The following RAB9B variants were observed in gnomAD, a reference collection of about 807,000 sequenced individuals.
The protein encoded by RAB9B is ras-related protein Rab-9B.
A neutral mutation model predicts 8.9 loss-of-function variants in RAB9B; 1 was observed. That is an observed-to-expected ratio of 0.11 (90% CI 0.04 to 0.53). The LOEUF (loss-of-function observed/expected upper bound fraction) is 0.53, where lower values mean the gene tolerates loss of function less well. Among genes scored for constraint, RAB9B ranks in the 20% least tolerant of loss-of-function variants. RAB9B has a pLI of 0.93. For missense variants in RAB9B, 82 were observed against 152.9 expected (o/e 0.54, Z 2.45); for synonymous variants, 63 against 57.0 (o/e 1.10, Z -0.47).
chrX:103,791,938 G>T, the RAB9B span: 8 of 111,828 alleles, frequency 7.2e-5, no homozygotes, highest in Non-Finnish European at 1.3e-4. Context: ...TGTTATCTTG[G>T]TGTGTTAAGA....
At chrX:103,795,851 G>C in the RAB9B span, among the ~76,000 whole-genome samples, 1 of 111,884 alleles carries the variant, frequency 8.9e-6, no homozygotes, top group Non-Finnish European at 1.9e-5. Context: ...TTACTGCTAG[G>C]AAGAAAGTAT....
downstream of RAB9B, among the ~76,000 whole-genome samples, chrX:103,819,932 C>G (rs182206985): frequency 8.9e-6 from 1 of 112,291 alleles, no homozygotes; most frequent in African/African-American, 3.2e-5. Context: ...TCCTAACCCC[C>G]CAAGGTTATG....
the RAB9B span, among the ~76,000 whole-genome samples, chrX:103,802,252 C>CAGAGAG: frequency 1.1e-5 from 1 of 94,396 alleles, no homozygotes; most frequent in East Asian, 3.4e-4. Context: ...GGGAGAGAGA[C>CAGAGAG]AGAGAGAGAG....
At chrX:103,786,319 T>C in the RAB9B span, 2 of 1,060,971 alleles carry the variant, frequency 1.9e-6, no homozygotes, top group South Asian at 3.8e-5. Flanking sequence ...GGTGAAAGCA[T>C]GCAGGAGGAA....
At chrX:103,797,266 A>T in the RAB9B span, among the ~76,000 whole-genome samples, 9 of 109,253 alleles carry the variant, frequency 8.2e-5, no homozygotes, top group African/African-American at 1.7e-4. Context: ...TTTAAAAAAA[A>T]TTTTTTGTAG....
chrX:103,800,559 A>G, the RAB9B span, among the ~76,000 whole-genome samples: 1 of 111,667 alleles, frequency 9.0e-6, no homozygotes, highest in Non-Finnish European at 1.9e-5. Context: ...GAAAACCGTA[A>G]AACACTGGAC....
the RAB9B span, among the ~76,000 whole-genome samples, chrX:103,784,033 C>T: frequency 3.6e-5 from 4 of 112,055 alleles, no homozygotes; most frequent in African/African-American, 9.7e-5. Context: ...GGGATCTGGC[C>T]GAGAGGCCAG....
chrX:103,823,492 A>G lies in RAB9B; in HGVS notation c.*1687T>C, dbSNP rs1329683473. On this transcript the variant is annotated 3_prime_UTR_variant, in exon 3 of 3. Transcript: ENST00000243298. Reference sequence around the variant, plus strand: ...TAAGGCTGATTCCATACGTGGCTACAATGGAGAGTTCTAGGCTGTATTCCT... The same window carrying G: ...TAAGGCTGATTCCATACGTGGCTACGATGGAGAGTTCTAGGCTGTATTCCT... 8.9e-6 allele frequency: 1 copy of G among 111,841 alleles called. No individual in the cohort carries two copies. The highest frequency in any genetic ancestry group is 1.9e-5 in the Non-Finnish European group (1 of 53,198). 9.2% of individuals were successfully genotyped at this position (111,841 alleles called of 1,213,427 possible).
At chrX:103,797,733 C>G in the RAB9B span, among the ~76,000 whole-genome samples, 2 of 111,019 alleles carry the variant, frequency 1.8e-5, no homozygotes, top group Admixed American at 1.9e-4. Context: ...CCACTTGGCT[C>G]TATTTAAAAT....
the RAB9B span, among the ~76,000 whole-genome samples, chrX:103,798,701 G>A: frequency 9.4e-6 from 1 of 106,623 alleles, no homozygotes; most frequent in Non-Finnish European, 1.9e-5. Context: ...GGAGTGTAGG[G>A]GTGCGATCTC....
the RAB9B span, among the ~76,000 whole-genome samples, chrX:103,815,078 C>T: frequency 9.8e-5 from 11 of 112,436 alleles, no homozygotes; most frequent in Middle Eastern, 4.6e-3. Flanking sequence ...TCCTCCCTAA[C>T]TCATTTTATG....
chrX:103,816,655 T>A, the RAB9B span, among the ~76,000 whole-genome samples: 1 of 111,828 alleles, frequency 8.9e-6, no homozygotes, highest in African/African-American at 3.2e-5. Context: ...ACCTACAGAA[T>A]GGGAGAAAAT....
At chrX:103,811,747 A>G in the RAB9B span, among the ~76,000 whole-genome samples, 1 of 111,433 alleles carries the variant, frequency 9.0e-6, no homozygotes, top group Non-Finnish European at 1.9e-5. Flanking sequence ...AAATACAGCT[A>G]ATAACAAAAG....
At chrX:103,826,417 CTA>C (rs1394119164) in intron 2 of RAB9B, among the ~76,000 whole-genome samples, 1 of 111,757 alleles carries the variant, frequency 8.9e-6, no homozygotes, top group African/African-American at 3.3e-5. Flanking sequence ...TAAGGATCTT[CTA>C]TATTTTTTTC....
At chrX:103,789,292 C>T in the RAB9B span, 1 of 965,496 alleles carries the variant, frequency 1.0e-6, no homozygotes. Context: ...CATATTACTG[C>T]TGTTGCAAGA....
At chrX:103,785,846 C>T in the RAB9B span, 4 of 919,123 alleles carry the variant, frequency 4.4e-6, no homozygotes, top group Non-Finnish European at 4.8e-6. Context: ...TCTTCAGTAC[C>T]TTAGTAACTA....
the RAB9B span, chrX:103,786,686 T>C: frequency 8.3e-7 from 1 of 1,210,910 alleles, no homozygotes; most frequent in Non-Finnish European, 1.1e-6. Flanking sequence ...TTGGAGCGGG[T>C]GTGTCATTGT....
At chrX:103,786,371 C>T in the RAB9B span, 5 of 1,060,490 alleles carry the variant, frequency 4.7e-6, no homozygotes, top group Middle Eastern at 2.5e-4. Flanking sequence ...TGTTAAGGTG[C>T]TCGCTCTGGT....
the RAB9B span, chrX:103,786,166 T>G: frequency 1.8e-6 from 2 of 1,113,311 alleles, no homozygotes; most frequent in African/African-American, 3.7e-5. Context: ...AGCTCCCTAC[T>G]CCTGTGAGTT....
Sources: allele counts gnomAD v4.1 joint callset (sites outside exome capture counted in the v4.1 genomes callset), GRCh38; gene constraint gnomAD v4.1.1; transcripts MANE v1.5; gene names NCBI Gene and HGNC (gene_info 2026-07-23, HGNC 2026-07-21).